Variants in SH3GLB1 observed in about 807,000 individuals in gnomAD.
The protein encoded by SH3GLB1 is endophilin-B1.
A neutral mutation model predicts 42.0 loss-of-function variants in SH3GLB1; 17 were observed. That is an observed-to-expected ratio of 0.40 (90% CI 0.28 to 0.61). The LOEUF (loss-of-function observed/expected upper bound fraction) is 0.61. Ranked by LOEUF, SH3GLB1 falls within the 20% of genes least tolerant of loss-of-function variation. The pLI, the probability that SH3GLB1 is intolerant of heterozygous loss-of-function variation, is 0.36. For synonymous variants in SH3GLB1, 132 were observed against 146.6 expected (o/e 0.90, Z 0.72); for missense variants, 355 against 426.3 (o/e 0.83, Z 1.47).
At chr1:86,730,007 A>G (rs1008528228) in intron 5 of SH3GLB1, 8 of 1,320,500 alleles carry the variant, frequency 6.1e-6, no homozygotes, top group African/African-American at 6.0e-5. Context: ...ACAAATATTT[A>G]TATTTTTCTA....
At chr1:86,715,411 G>A (rs1227882172) in intron 1 of SH3GLB1, among the ~76,000 whole-genome samples, 1 of 152,156 alleles carries the variant, frequency 6.6e-6, no homozygotes, top group African/African-American at 2.4e-5. Context: ...GTCTACCTAG[G>A]ATAGGTAGTT....
rs1273826790 is a variant in SH3GLB1 at position 86,743,993 on chromosome 1, A to G, written c.*758A>G. The stretch of plus-strand genomic sequence containing the variant: ...TTATTCAGTTGGCACAATTTAATGC[A>G]TAATTGGGATTGGATCCATTTACTG... On this transcript the variant is annotated 3_prime_UTR_variant, in exon 9 of 9. Coordinates refer to ENST00000370558, the MANE Select transcript of SH3GLB1 (RefSeq NM_016009.5). The G allele has an allele frequency of 6.6e-6, 1 of 152,610 alleles. No individual in the cohort carries two copies. Among genetic ancestry groups the G allele is most frequent in the African/African-American group, 2.4e-5 (1 of 41,454 alleles). 9.5% of individuals were successfully genotyped at this position (152,610 alleles called of 1,614,324 possible). A position where few individuals can be genotyped will look rare whatever the true frequency, so the allele number is the denominator to read the frequency against.
At chr1:86,705,043 C>A in intron 1 of SH3GLB1, 72 bp downstream of exon 1, 2 of 1,034,168 alleles carry the variant, frequency 1.9e-6, no homozygotes, top group Non-Finnish European at 2.8e-6. Flanking sequence ...CAGCTCGACG[C>A]GGCGCCCCCG....
intron 4 of SH3GLB1, 43 bp downstream of exon 4, chr1:86,722,716 A>C (rs764066454): frequency 4.7e-5 from 70 of 1,490,046 alleles, no homozygotes; most frequent in Non-Finnish European, 6.1e-5. Context: ...AATCATTTAG[A>C]TATATATACT....
At chr1:86,724,200 A>G (rs1655028060) in intron 4 of SH3GLB1, 113 bp from the exon 5 acceptor site, 27 of 677,560 alleles carry the variant, frequency 4.0e-5, no homozygotes, top group Non-Finnish European at 6.2e-5. Context: ...TTGTAGTCAT[A>G]GATCTTTATC....
At position 86,719,496 on chromosome 1, in the gene SH3GLB1, CT is replaced by C; in HGVS notation, c.215-8del. On this transcript the variant is annotated splice_polypyrimidine_tract_variant and intron_variant, in intron 2 of 8. Coordinates refer to ENST00000370558, the MANE Select transcript of SH3GLB1 (RefSeq NM_016009.5). Reference sequence around the variant, plus strand: ...TTTAGAAATCATTGGTAATTTTAACCTTTCTCCTAGATGCCAGGATAGAAGA... The same window carrying C: ...TTTAGAAATCATTGGTAATTTTAACCTTCTCCTAGATGCCAGGATAGAAGA... The C allele has an allele frequency of 6.3e-7, 1 of 1,591,226 alleles. No individual in the cohort carries two copies. Among genetic ancestry groups the C allele is most frequent in the Non-Finnish European group, 8.5e-7 (1 of 1,171,422 alleles).
intron 1 of SH3GLB1, among the ~76,000 whole-genome samples, chr1:86,712,269 T>G (rs1429180509): frequency 2.0e-5 from 3 of 152,158 alleles, no homozygotes; most frequent in Non-Finnish European, 4.4e-5. Context: ...GCAGAAGTGA[T>G]CTGGGGGAGA....
At chr1:86,722,392 C>T in intron 3 of SH3GLB1, 148 bp from the exon 4 acceptor site, 1 of 606,694 alleles carries the variant, frequency 1.6e-6, no homozygotes, top group Non-Finnish European at 2.8e-6. Context: ...ATAAAACTAC[C>T]TTAATTACAG....
At chr1:86,738,327 G>A (rs773620426) in intron 7 of SH3GLB1, among the ~76,000 whole-genome samples, 12 of 152,014 alleles carry the variant, frequency 7.9e-5, no homozygotes, top group South Asian at 2.1e-4. Context: ...GTGCAGTGGC[G>A]CAATCTCGGC....
At chr1:86,716,507 AC>A (rs1654543861) in intron 2 of SH3GLB1, among the ~76,000 whole-genome samples, 1 of 151,730 alleles carries the variant, frequency 6.6e-6, no homozygotes, top group Non-Finnish European at 1.5e-5. Context: ...CTAGTCTCGA[AC>A]TCCTGACCTC....
intron 5 of SH3GLB1, among the ~76,000 whole-genome samples, chr1:86,731,328 C>T (rs76255437): frequency 0.018 from 2,769 of 152,242 alleles, 41 homozygotes; most frequent in African/African-American, 0.034. Flanking sequence ...TAAACTTTAA[C>T]TTTTATTTTC....
chr1:86,740,150 C>CAA (rs35758882), intron 7 of SH3GLB1, among the ~76,000 whole-genome samples: 1 of 141,592 alleles, frequency 7.1e-6, no homozygotes, highest in African/African-American at 2.5e-5. Context: ...ACTCCTGTAT[C>CAA]AAAAAAAAAA....
At chr1:86,721,606 G>A (rs1042736286) in intron 3 of SH3GLB1, among the ~76,000 whole-genome samples, 1 of 152,110 alleles carries the variant, frequency 6.6e-6, no homozygotes, top group African/African-American at 2.4e-5. Flanking sequence ...CCCTATTTAA[G>A]TATCAGAGTA....
At chr1:86,705,219 A>C (rs1653775313) in intron 1 of SH3GLB1, among the ~76,000 whole-genome samples, 1 of 151,846 alleles carries the variant, frequency 6.6e-6, no homozygotes, top group Non-Finnish European at 1.5e-5. Flanking sequence ...GCTTCCTCCC[A>C]CCCCTGGGGA....
chr1:86,733,981 T>C (rs907265409), intron 5 of SH3GLB1, among the ~76,000 whole-genome samples: 1 of 152,210 alleles, frequency 6.6e-6, no homozygotes, highest in Admixed American at 6.5e-5. Context: ...TAATAGATAG[T>C]ATTCTGCTTA....
chr1:86,707,956 T>TTGAATATTTCAAAAGAAAAAA (rs1183843811), intron 1 of SH3GLB1, among the ~76,000 whole-genome samples: 1 of 152,136 alleles, frequency 6.6e-6, no homozygotes, highest in African/African-American at 2.4e-5. Flanking sequence ...AGATTAGCGT[T>TTGAATATTTCAAAAGAAAAAA]TGAATATTTC....
intron 7 of SH3GLB1, among the ~76,000 whole-genome samples, chr1:86,739,984 A>G (rs1655977677): frequency 6.6e-6 from 1 of 152,090 alleles, no homozygotes; most frequent in South Asian, 2.1e-4. Context: ...GTCTCTACAA[A>G]AAAATACAAA....
intron 3 of SH3GLB1, among the ~76,000 whole-genome samples, chr1:86,720,745 T>A (rs1435552153): frequency 6.6e-6 from 1 of 152,242 alleles, no homozygotes; most frequent in East Asian, 1.9e-4. Flanking sequence ...TAGGATTAAA[T>A]GAATTTTAAG....
In SH3GLB1 at chr1:86,724,315, A is replaced by G; in HGVS notation, c.480A>G (p.Lys160=). The G allele has an allele frequency of 6.3e-7, 1 of 1,576,150 alleles. No individual in the cohort carries two copies. Among genetic ancestry groups the G allele is most frequent in the Non-Finnish European group, 8.6e-7 (1 of 1,167,470 alleles). The stretch of plus-strand genomic sequence containing the variant: ...TTTTTTCTTTTCTATATTTATAGAA[A>G]GAAAGGAAACTATTGCAAAATAAGA... ...FIEGDYKTIA[K]ERKLLQNKRL... The change falls in exon 5 of 9, where the codon AAA becomes AAG. Residue 160 remains lysine (K), a splice_region_variant and synonymous_variant. Coordinates refer to ENST00000370558, the MANE Select transcript of SH3GLB1 (RefSeq NM_016009.5).
Sources: allele counts gnomAD v4.1 joint callset (sites outside exome capture counted in the v4.1 genomes callset), GRCh38; gene constraint gnomAD v4.1.1; transcripts MANE v1.5; gene names NCBI Gene and HGNC (gene_info 2026-07-23, HGNC 2026-07-21).